The following SPON1 variants were observed in gnomAD, a reference collection of about 807,000 sequenced individuals.
SPON1 encodes the protein spondin-1.
SPON1 carries 52 observed loss-of-function variants against 111.7 expected under a neutral mutation model. That is an observed-to-expected ratio of 0.47 (90% CI 0.37 to 0.59). SPON1 has a LOEUF of 0.59. Among genes scored for constraint, SPON1 ranks in the 20% least tolerant of loss-of-function variants. The probability of loss-of-function intolerance (pLI) is 0.00; values close to 1 mark genes in which losing one functional copy is unlikely to be tolerated. For missense variants in SPON1, 957 were observed against 1,068.5 expected, an observed-to-expected ratio of 0.90 and a Z score of 1.46; for synonymous variants, 410 against 395.8, an observed-to-expected ratio of 1.04 and a Z score of -0.43.
intron 3 of SPON1, among the ~76,000 whole-genome samples, chr11:14,045,629 T>TA (rs1429655218): frequency 6.7e-6 from 1 of 148,264 alleles, no homozygotes; most frequent in African/African-American, 2.4e-5. Flanking sequence ...TTAATATATA[T>TA]ATTATATTTA....
intron 5 of SPON1, among the ~76,000 whole-genome samples, chr11:14,092,706 C>A (rs1000226300): frequency 1.3e-5 from 2 of 152,130 alleles, no homozygotes; most frequent in South Asian, 4.1e-4. Flanking sequence ...TGCTATAGAT[C>A]TCTGCTTGTC....
intron 1 of SPON1, among the ~76,000 whole-genome samples, chr11:13,980,095 C>T (rs1554909429): frequency 6.6e-6 from 1 of 151,886 alleles, no homozygotes; most frequent in African/African-American, 2.4e-5. Flanking sequence ...GGCTACAGTG[C>T]AGTGGTGCAA....
At chr11:14,096,582 G>A (rs1200409647) in intron 5 of SPON1, among the ~76,000 whole-genome samples, 1 of 152,192 alleles carries the variant, frequency 6.6e-6, no homozygotes, top group Non-Finnish European at 1.5e-5. Context: ...GCCAGTGGAG[G>A]CTGCAGGTGG....
intron 6 of SPON1, among the ~76,000 whole-genome samples, chr11:14,176,298 G>T (rs1299082007): frequency 6.6e-6 from 1 of 152,118 alleles, no homozygotes; most frequent in Non-Finnish European, 1.5e-5. Flanking sequence ...AGAGCTCCAA[G>T]AATATCCCTT....
chr11:14,223,489 A>G (rs1470134010), intron 6 of SPON1, among the ~76,000 whole-genome samples: 2 of 152,244 alleles, frequency 1.3e-5, no homozygotes, highest in African/African-American at 4.8e-5. Context: ...AATTATAAAA[A>G]TATTCATTTA....
At chr11:14,075,815 A>G (rs1848913303) in intron 4 of SPON1, among the ~76,000 whole-genome samples, 1 of 152,172 alleles carries the variant, frequency 6.6e-6, no homozygotes, top group Admixed American at 6.5e-5. Flanking sequence ...CACCCAGACA[A>G]TATGGGAGGA....
At chr11:14,141,611 G>A (rs1847657199) in intron 6 of SPON1, among the ~76,000 whole-genome samples, 1 of 152,094 alleles carries the variant, frequency 6.6e-6, no homozygotes, top group East Asian at 1.9e-4. Flanking sequence ...CACCGCCTGT[G>A]GCATGAGAAG....
chr11:14,260,505 C>T lies in SPON1; in HGVS notation c.1832-83C>T, dbSNP rs559000686. The T allele has an allele frequency of 1.2e-5, 17 of 1,441,970 alleles. No homozygotes were observed. The South Asian group carries it at 1.4e-4, about 12-fold the overall frequency. The allele number at this position is 1,441,970 out of a possible 1,614,324, so 89.3% of individuals were successfully genotyped here. A position where few individuals can be genotyped will look rare whatever the true frequency, so the allele number is the denominator to read the frequency against. ...ATTCCAGGGGCCAAAGCAGGGGACT[C>T]GGTGTGGAACACTGTGGGGTCAGGG... On this transcript the variant is annotated intron_variant, in intron 13 of 15. Coordinates refer to ENST00000576479, the MANE Select transcript of SPON1 (RefSeq NM_006108.4).
At chr11:14,207,817 C>T (rs1848531899) in intron 6 of SPON1, among the ~76,000 whole-genome samples, 1 of 152,172 alleles carries the variant, frequency 6.6e-6, no homozygotes, top group South Asian at 2.1e-4. Flanking sequence ...GACCTAGAGA[C>T]AGAAATGCCA....
chr11:14,085,414 C>T (rs1848998489), intron 5 of SPON1, among the ~76,000 whole-genome samples: 1 of 152,054 alleles, frequency 6.6e-6, no homozygotes, highest in Non-Finnish European at 1.5e-5. Flanking sequence ...ATCCTTTCCC[C>T]ACTGCTTTTT....
chr11:13,989,310 T>G (rs1848209616), intron 2 of SPON1, among the ~76,000 whole-genome samples: 1 of 152,244 alleles, frequency 6.6e-6, no homozygotes, highest in Admixed American at 6.5e-5. Flanking sequence ...TATCCATTTC[T>G]TCTAGATTTT....
At chr11:14,101,563 C>T (rs1231536644) in intron 5 of SPON1, among the ~76,000 whole-genome samples, 1 of 151,980 alleles carries the variant, frequency 6.6e-6, no homozygotes, top group Non-Finnish European at 1.5e-5. Flanking sequence ...TCTGGTGACT[C>T]AGATATTGTC....
intron 5 of SPON1, among the ~76,000 whole-genome samples, chr11:14,127,281 A>G (rs1444112569): frequency 2.0e-5 from 3 of 146,722 alleles, no homozygotes; most frequent in African/African-American, 7.7e-5. Context: ...CAAGACTAGA[A>G]TATACATAGA....
chr11:14,080,032 T>C lies in SPON1; in HGVS notation c.676+11T>C. On this transcript the variant is annotated intron_variant, in intron 5 of 15. Transcript: ENST00000576479. ...CAAAGGATTACCCTCGTGAGTAGAG[T>C]GGCTACTCTGTGGTTTGGGGAAAAG... 6.2e-7 allele frequency: 1 copy of C among 1,613,630 alleles called. No individual in the cohort carries two copies. The highest frequency in any genetic ancestry group is 8.5e-7 in the Non-Finnish European group (1 of 1,179,788).
intron 6 of SPON1, among the ~76,000 whole-genome samples, chr11:14,236,016 T>C (rs782471316): frequency 2.6e-5 from 4 of 152,000 alleles, no homozygotes; most frequent in Non-Finnish European, 5.9e-5. Context: ...GAGATGAGGC[T>C]CAGGAGGACA....
chr11:14,166,344 T>C (rs1024785729), intron 6 of SPON1, among the ~76,000 whole-genome samples: 1 of 152,146 alleles, frequency 6.6e-6, no homozygotes, highest in East Asian at 1.9e-4. Flanking sequence ...ACAAATATGA[T>C]CCAAATTTTG....
At chr11:13,986,644 A>G (rs1404784557) in intron 2 of SPON1, among the ~76,000 whole-genome samples, 1 of 150,504 alleles carries the variant, frequency 6.6e-6, no homozygotes, top group African/African-American at 2.5e-5. Context: ...TACATGTGCC[A>G]TGGTGGTTTG....
intron 6 of SPON1, among the ~76,000 whole-genome samples, chr11:14,189,191 A>T (rs1554934332): frequency 2.6e-5 from 4 of 152,256 alleles, no homozygotes; most frequent in African/African-American, 9.6e-5. Flanking sequence ...TCCAGAAGCC[A>T]ATGATTGCAG....
chr11:14,041,706 G>T, intron 3 of SPON1, 52 bp downstream of exon 3: 1 of 1,576,486 alleles, frequency 6.3e-7, no homozygotes, highest in Non-Finnish European at 8.6e-7. Context: ...TTTGTGGTGT[G>T]ATTGCAGGGA....
Sources: gnomAD v4.1 joint callset for allele counts (sites outside exome capture counted in the v4.1 genomes callset) on GRCh38, gnomAD v4.1.1 for gene constraint, MANE v1.5 for transcripts, NCBI Gene and HGNC (gene_info 2026-07-23, HGNC 2026-07-21) for gene names.